The following TIAL1 variants were observed in gnomAD, a reference collection of about 807,000 sequenced individuals.
TIAL1 encodes the protein TIA1 cytotoxic granule associated RNA binding protein like 1, also known as nucleolysin TIAR.
In TIAL1, 7 loss-of-function variants were observed where a neutral mutation model predicts 59.7. The observed-to-expected ratio is 0.12, with a 90% CI of 0.07 to 0.22. The LOEUF is 0.22. Ranked by LOEUF, TIAL1 falls within the 10% of genes least tolerant of loss-of-function variation. The pLI, the probability that TIAL1 is intolerant of heterozygous loss-of-function variation, is 1.00. For synonymous variants in TIAL1, 149 were observed against 146.3 expected (o/e 1.02, Z -0.13); for missense variants, 225 against 462.5 (o/e 0.49, Z 4.71).
intron 1 of TIAL1, chr10:119,593,458 TCTAAACA>T: frequency 1.0e-6 from 1 of 985,486 alleles, no homozygotes; most frequent in Non-Finnish European, 1.2e-6. Flanking sequence ...CTACCTAGGC[TCTAAACA>T]CCATATTGTT....
intron 10 of TIAL1, 155 bp from the exon 11 acceptor site, chr10:119,576,905 C>A (rs750295472): frequency 1.1e-5 from 14 of 1,330,522 alleles, no homozygotes; most frequent in Non-Finnish European, 1.4e-5. Context: ...GGTGGTGACA[C>A]CTGTGAAAAG....
chr10:119,595,659 T>C (rs896337610), intron 1 of TIAL1, among the ~76,000 whole-genome samples: 2 of 152,154 alleles, frequency 1.3e-5, no homozygotes, highest in African/African-American at 2.4e-5. Flanking sequence ...GACATAATTT[T>C]AGCCAACTCT....
At chr10:119,575,858 A>G in intron 11 of TIAL1, 67 bp from the exon 12 acceptor site, 1 of 1,454,116 alleles carries the variant, frequency 6.9e-7, no homozygotes. Flanking sequence ...TATTTACACA[A>G]AAATCAAGCA....
At chr10:119,583,603 A>T (rs560135644) in intron 2 of TIAL1, among the ~76,000 whole-genome samples, 1 of 152,356 alleles carries the variant, frequency 6.6e-6, no homozygotes, top group East Asian at 1.9e-4. Flanking sequence ...GTGGAATTCT[A>T]GTTGGACTTA....
rs1176021252 is a variant in TIAL1 at position 119,582,218 on chromosome 10, G to C, written c.234C>G (p.Val78=). 4 of 1,600,000 alleles carry C rather than the reference G, an allele frequency of 2.5e-6. No individual in the cohort carries two copies. Among genetic ancestry groups the C allele is most frequent in the Non-Finnish European group, 3.4e-6 (4 of 1,175,236 alleles). The change falls in exon 4 of 12, where the codon GTC becomes GTG. Residue 78 remains valine (V), a synonymous_variant. Coordinates refer to ENST00000436547, the MANE Select transcript of TIAL1 (RefSeq NM_003252.4). This position sits in a 1 kb window ranked among gnomAD's most constrained non-coding sequence, Gnocchi z 5.1. ...MNGRKILGKE[V]KVNWATTPSS... ...TTGGTGTGGTTGCCCAGTTTACTTT[G>C]ACCTCCTAAAAATAAAGATTATATT...
At chr10:119,578,096 A>G (rs1388464760) in intron 7 of TIAL1, among the ~76,000 whole-genome samples, 1 of 151,960 alleles carries the variant, frequency 6.6e-6, no homozygotes, top group African/African-American at 2.4e-5. Context: ...GTGGTGGCAC[A>G]CGCCTGTAAT....
In TIAL1 at chr10:119,576,644, C is replaced by T; in HGVS notation, c.968G>A (p.Gly323Glu). 1.2e-6 allele frequency: 2 copies of T among 1,614,120 alleles called. No individual in the cohort carries two copies. Among genetic ancestry groups the T allele is most frequent in the Non-Finnish European group, 1.7e-6 (2 of 1,179,998 alleles). Residue 323 changes from glycine (G) to glutamate (E), a missense_variant, in exon 11 of 12, where the codon GGG (glycine) becomes GAG (glutamate). By Grantham distance (98) the Gly-to-Glu change is moderately conservative. Transcript: ENST00000436547. ...AAATCCTTGTTGATTCCATGGTTGCCCGTATACTCCATAAGGCGGTACTTG... is the reference window on the plus strand; with the variant it reads ...AAATCCTTGTTGATTCCATGGTTGCTCGTATACTCCATAAGGCGGTACTTG... ...GWQVPPYGVYGQPWNQQGFGV... is the reference protein window; with the variant it reads ...GWQVPPYGVYEQPWNQQGFGV...
Position 119,573,805 on chromosome 10 carries a change from A to T in TIAL1, c.*1860T>A, listed in dbSNP as rs904766548. ...ATTTTATAACAGAAGAGTGTAATAG[A>T]TGACCATTATGGTAAAACTAAGGTG... On this transcript the variant is annotated 3_prime_UTR_variant, in exon 12 of 12. Transcript: ENST00000436547. 3 of 152,238 alleles carry T rather than the reference A, an allele frequency of 2.0e-5. No individual in the cohort carries two copies. Among genetic ancestry groups the T allele is most frequent in the African/African-American group, 7.2e-5 (3 of 41,474 alleles). 9.4% of individuals were successfully genotyped at this position (152,238 alleles called of 1,614,324 possible). A position where few individuals can be genotyped will look rare whatever the true frequency, so the allele number is the denominator to read the frequency against.
At chr10:119,577,595 C>T in intron 8 of TIAL1, 46 bp downstream of exon 8, 5 of 1,606,850 alleles carry the variant, frequency 3.1e-6, no homozygotes, top group Non-Finnish European at 2.6e-6. Flanking sequence ...TTCATATGAA[C>T]AGTGATGAAG....
At position 119,596,605 on chromosome 10, in the gene TIAL1, T is replaced by TC; in HGVS notation, c.-141dup. On this transcript the variant is annotated 5_prime_UTR_variant, in exon 1 of 12. Coordinates refer to ENST00000436547, the MANE Select transcript of TIAL1 (RefSeq NM_003252.4). ...CACCGAACCCTGCTCTCGGGCTCTC[T>TC]CCCCCCAGCCCGCTCCGGACACTGC... is the stretch of plus-strand genomic sequence containing the variant. The TC allele has an allele frequency of 1.5e-6, 1 of 673,748 alleles. No homozygotes were observed. The allele number at this position is 673,748 out of a possible 1,614,324, so 41.7% of individuals were successfully genotyped here.
rs1289822370 is a variant in TIAL1 at position 119,588,201 on chromosome 10, T to G, written c.80A>C (p.Gln27Pro). Reference protein sequence around the residue: ...SRDVTEVLILQLFSQIGPCKS... With the variant: ...SRDVTEVLILPLFSQIGPCKS... Reference sequence around the variant, plus strand: ...ACAGGGTCCAATCTGACTGAACAACTGAAGTATAAGGACTTCTGTCACATC... The same window carrying G: ...ACAGGGTCCAATCTGACTGAACAACGGAAGTATAAGGACTTCTGTCACATC... The change falls in exon 2 of 12, where the codon CAG (glutamine) becomes CCG (proline). Residue 27 changes from glutamine to proline, a missense_variant. Physicochemically the swap from Gln to Pro is moderately conservative, Grantham distance 76. This residue lies in a region of TIAL1 where 39 missense variants were observed against 59.5 expected (regional missense o/e 0.66). Coordinates refer to ENST00000436547, the MANE Select transcript of TIAL1 (RefSeq NM_003252.4). 1 of 1,599,482 alleles carries G rather than the reference T, an allele frequency of 6.3e-7. No individual in the cohort carries two copies. The highest frequency in any genetic ancestry group is 1.3e-5 in the African/African-American group (1 of 74,542).
intron 9 of TIAL1, 120 bp downstream of exon 9, chr10:119,577,331 G>T: frequency 7.0e-7 from 1 of 1,429,558 alleles, no homozygotes; most frequent in Non-Finnish European, 9.4e-7. Flanking sequence ...TAGGTAGGTA[G>T]CTTAAACTTC....
intron 2 of TIAL1, among the ~76,000 whole-genome samples, chr10:119,587,146 T>G (rs1028233868): frequency 6.6e-6 from 1 of 152,228 alleles, no homozygotes; most frequent in East Asian, 1.9e-4. Flanking sequence ...TTTTAACAGT[T>G]CTCCGTTTCA....
intron 7 of TIAL1, 110 bp downstream of exon 7, chr10:119,578,616 G>A: frequency 2.0e-6 from 2 of 987,466 alleles, no homozygotes; most frequent in Non-Finnish European, 3.1e-6. Flanking sequence ...GGGCAACAGA[G>A]CAAGACCCTG....
At chr10:119,576,550 C>T in intron 11 of TIAL1, 61 bp downstream of exon 11, 12 of 1,577,002 alleles carry the variant, frequency 7.6e-6, no homozygotes, top group Non-Finnish European at 9.4e-6. Flanking sequence ...TAGGAAAACA[C>T]ACTTTTATTT....
chr10:119,591,128 G>A (rs1336657697), intron 1 of TIAL1, among the ~76,000 whole-genome samples: 2 of 152,178 alleles, frequency 1.3e-5, no homozygotes, highest in South Asian at 4.2e-4. Flanking sequence ...ATTCCACCAG[G>A]TGTGGTGGCT....
chr10:119,583,385 A>G, intron 2 of TIAL1, among the ~76,000 whole-genome samples: 1 of 152,178 alleles, frequency 6.6e-6, no homozygotes, highest in Non-Finnish European at 1.5e-5. Flanking sequence ...GTAGTTACCT[A>G]AAACACATTT....
intron 5 of TIAL1, among the ~76,000 whole-genome samples, chr10:119,581,546 C>T (rs1478369402): frequency 6.6e-6 from 1 of 152,064 alleles, no homozygotes; most frequent in Non-Finnish European, 1.5e-5. Flanking sequence ...TGAACTCTTA[C>T]ACAGTATAGA....
At position 119,578,829 on chromosome 10, in the gene TIAL1, T is replaced by G; in HGVS notation, c.453A>C (p.Ala151=). 1 of 1,613,482 alleles carries G rather than the reference T, an allele frequency of 6.2e-7. No homozygotes were observed. Among genetic ancestry groups the G allele is most frequent in the Non-Finnish European group, 8.5e-7 (1 of 1,179,450 alleles). Residue 151 remains alanine, a synonymous_variant, in exon 7 of 12, where the codon GCA becomes GCC. Transcript: ENST00000436547. The part of the protein sequence containing the change: ...GFVSFYNKLD[A]ENAIVHMGGQ... ...CGCCCATATGCACAATCGCATTTTC[T>G]GCATCCTATGGATAAAAAAGAAAGC...
Sources: gnomAD v4.1 joint callset for allele counts (sites outside exome capture counted in the v4.1 genomes callset) on GRCh38, gnomAD v4.1.1 for gene constraint, gnomAD v4.1.1 regional missense constraint, Gnocchi (gnomAD v3.1) non-coding constraint, MANE v1.5 for transcripts, NCBI Gene and HGNC (gene_info 2026-07-23, HGNC 2026-07-21) for gene names.